The following SYNE2 variants were observed in gnomAD, a reference collection of about 807,000 sequenced individuals.
SYNE2 encodes nesprin-2.
In SYNE2, 431 loss-of-function variants were observed where a neutral mutation model predicts 856.3. The ratio of observed to expected loss-of-function variants is 0.50; its 90% CI spans 0.47 to 0.55. The LOEUF (loss-of-function observed/expected upper bound fraction) is 0.55. Ranked by LOEUF, SYNE2 falls within the 20% of genes least tolerant of loss-of-function variation. SYNE2 has a pLI of 0.00. For missense variants in SYNE2, 8,129 were observed against 8,023.2 expected, an observed-to-expected ratio of 1.01 and a Z score of -0.50; for synonymous variants, 2,923 against 2,872.3, an observed-to-expected ratio of 1.02 and a Z score of -0.56.
intron 6 of SYNE2, among the ~76,000 whole-genome samples, chr14:63,948,778 GTGTGTATATA>G (rs1566884135): frequency 2.6e-5 from 2 of 76,330 alleles, no homozygotes; most frequent in Non-Finnish European, 5.2e-5. Context: ...ATGTATGTGT[GTGTGTATATA>G]TATATATATA....
chr14:64,069,540 C>T (rs1408940217), intron 51 of SYNE2, among the ~76,000 whole-genome samples: 1 of 152,152 alleles, frequency 6.6e-6, no homozygotes, highest in East Asian at 1.9e-4. Context: ...GTGCTTTTTC[C>T]CCAGGCCCCT....
At chr14:64,085,712 G>A (rs1454887230) in intron 57 of SYNE2, among the ~76,000 whole-genome samples, 1 of 152,164 alleles carries the variant, frequency 6.6e-6, no homozygotes, top group Non-Finnish European at 1.5e-5. Flanking sequence ...CCATTTTAGT[G>A]ACTTGCAGTG....
At chr14:64,220,776 T>C (rs1203151758) in intron 111 of SYNE2, 139 bp downstream of exon 111, 1 of 1,065,424 alleles carries the variant, frequency 9.4e-7, no homozygotes, top group African/African-American at 1.6e-5. Flanking sequence ...CTTTACCATT[T>C]GTTTCCACAG....
At chr14:63,888,709 C>T (rs2140885514) in intron 1 of SYNE2, among the ~76,000 whole-genome samples, 1 of 152,248 alleles carries the variant, frequency 6.6e-6, no homozygotes, top group Non-Finnish European at 1.5e-5. Context: ...TAAACAGTAA[C>T]AGAACATTTT....
At position 64,025,354 on chromosome 14, in the gene SYNE2, A is replaced by C. The variant is rs181966989; in HGVS notation, c.6185A>C (p.Glu2062Ala). The change falls in exon 41 of 116, where the codon GAG becomes GCG. Residue 2062 changes from glutamate (E) to alanine (A), a missense_variant. Glu to Ala is a moderately radical substitution (Grantham distance 107). Coordinates refer to ENST00000555002, the MANE Select transcript of SYNE2 (RefSeq NM_182914.3). Reference protein sequence around the residue: ...DVIHWIKEIKESLMVLNSSEG... With the variant: ...DVIHWIKEIKASLMVLNSSEG... ...ATTCATTGGATAAAAGAGATTAAAG[A>C]GTCCCTTATGGTTTTGAATTCATCC... 3 of 1,614,048 alleles carry C rather than the reference A, an allele frequency of 1.9e-6. No individual in the cohort carries two copies. Among genetic ancestry groups the C allele is most frequent in the Non-Finnish European group, 2.5e-6 (3 of 1,179,984 alleles).
chr14:64,051,947 A>G lies in SYNE2; in HGVS notation c.8034A>G (p.Gly2678=). ...CTGACCTCCAGGCTACCAAGCATGGATTTTCTGTTTTAAAGGGGCAAGCTG... is the reference window on the plus strand; with the variant it reads ...CTGACCTCCAGGCTACCAAGCATGGGTTTTCTGTTTTAAAGGGGCAAGCTG... ...LTTDLQATKH[G]FSVLKGQAEL... The change falls in exon 48 of 116, where the codon GGA becomes GGG. Residue 2678 remains glycine (G), a synonymous_variant. Transcript: ENST00000555002. 1 of 1,613,878 alleles carries G rather than the reference A, an allele frequency of 6.2e-7. No individual in the cohort carries two copies.
chr14:63,912,691 C>T (rs2095486855), intron 2 of SYNE2, among the ~76,000 whole-genome samples: 1 of 152,136 alleles, frequency 6.6e-6, no homozygotes, highest in African/African-American at 2.4e-5. Context: ...CACCCTGACT[C>T]AGAATAACAC....
intron 94 of SYNE2, chr14:64,173,951 G>C (rs910387448): frequency 8.6e-6 from 6 of 697,606 alleles, no homozygotes; most frequent in African/African-American, 1.8e-5. Context: ...CAGGACCTTC[G>C]CTACTCTCTG....
intron 45 of SYNE2, chr14:64,034,443 G>A (rs2097069327): frequency 4.4e-6 from 2 of 452,348 alleles, no homozygotes; most frequent in Middle Eastern, 5.5e-4. Context: ...AGAATTTTTA[G>A]AAAGTTTTTA....
chr14:63,794,505 T>C (rs1408238444), intron 1 of SYNE2, among the ~76,000 whole-genome samples: 2 of 152,130 alleles, frequency 1.3e-5, no homozygotes, highest in Non-Finnish European at 2.9e-5. Context: ...ATAGAAACTT[T>C]AAATATCCTA....
chr14:64,185,517 TTC>T (rs1423898393), intron 96 of SYNE2, among the ~76,000 whole-genome samples: 4 of 122,028 alleles, frequency 3.3e-5, no homozygotes, highest in Admixed American at 2.1e-4. Flanking sequence ...CTTTTTCTTT[TTC>T]TTTTTTTTTT....
rs1490202135 is a variant in SYNE2 at position 63,986,592 on chromosome 14, A to T, written c.2288A>T (p.Asp763Val). ...TCTGTTTTGGATCAAGATGATGTGG[A>T]CACCTCAATGGAAGAATCTTTGAAG... ...AKSVLDQDDV[D>V]TSMEESLKHL... The change falls in exon 19 of 116, where the codon GAC (aspartate) becomes GTC (valine). Residue 763 changes from aspartate to valine, a missense_variant. Coordinates refer to ENST00000555002, the MANE Select transcript of SYNE2 (RefSeq NM_182914.3). The T allele has an allele frequency of 5.0e-6, 8 of 1,614,048 alleles. No individual in the cohort carries two copies. The highest frequency in any genetic ancestry group is 6.8e-6 in the Non-Finnish European group (8 of 1,180,028).
intron 1 of SYNE2, among the ~76,000 whole-genome samples, chr14:63,895,941 A>C (rs534880924): frequency 7.4e-4 from 113 of 152,246 alleles, no homozygotes; most frequent in Middle Eastern, 3.4e-3. Flanking sequence ...CTCTTATTCC[A>C]GGGAAAAGTT....
At chr14:63,912,508 G>C (rs1207505254) in intron 2 of SYNE2, among the ~76,000 whole-genome samples, 1 of 152,158 alleles carries the variant, frequency 6.6e-6, no homozygotes, top group South Asian at 2.1e-4. Context: ...ATGAGAAAGA[G>C]ATTTCATGTA....
At chr14:63,951,005 C>T (rs771675805) in intron 7 of SYNE2, among the ~76,000 whole-genome samples, 4 of 148,976 alleles carry the variant, frequency 2.7e-5, no homozygotes, top group African/African-American at 1.0e-4. Flanking sequence ...AGTTAGTGCT[C>T]ATATCTTTTT....
chr14:63,792,657 G>A (rs1049140473), intron 1 of SYNE2, among the ~76,000 whole-genome samples: 4 of 25,730 alleles, frequency 1.6e-4, no homozygotes, highest in Non-Finnish European at 5.0e-4. Context: ...TTATTTATTT[G>A]TTTGTTTGTT....
In SYNE2 at chr14:64,003,110, C is replaced by T. The variant is rs17751301; in HGVS notation, c.4177C>T (p.Arg1393Trp). The T allele has an allele frequency of 0.065, 104,717 of 1,614,050 alleles. 3,992 individuals are homozygous for T. The highest frequency in any genetic ancestry group is 0.11 in the Admixed American group (6,838 of 60,034). The change falls in exon 30 of 116, where the codon CGG (arginine) becomes TGG (tryptophan). Residue 1393 changes from arginine (R) to tryptophan (W), a missense_variant. Around this residue, in one of 3 missense-constraint regions of SYNE2, gnomAD observed 2,422 missense variants for 2,357.4 expected, o/e 1.03. Coordinates refer to ENST00000555002, the MANE Select transcript of SYNE2 (RefSeq NM_182914.3). ...CGATATGAGCTTTAAAGATGCTGAA[C>T]GGGGTGATGACACCTCCTGTGAAAA... ...MLDMSFKDAE[R>W]GDDTSCENLL...
chr14:63,995,867 T>A (rs1352693498), intron 23 of SYNE2, among the ~76,000 whole-genome samples: 4 of 152,154 alleles, frequency 2.6e-5, no homozygotes, highest in African/African-American at 7.2e-5. Context: ...TCCTTTTTAT[T>A]CTATTAATGT....
intron 63 of SYNE2, among the ~76,000 whole-genome samples, chr14:64,101,357 G>T (rs1384298690): frequency 2.6e-5 from 4 of 151,986 alleles, no homozygotes; most frequent in African/African-American, 9.7e-5. Flanking sequence ...GTTTTAATTT[G>T]CATTTCCCTG....
Sources: gnomAD v4.1 joint callset for allele counts (sites outside exome capture counted in the v4.1 genomes callset) on GRCh38, gnomAD v4.1.1 for gene constraint, gnomAD v4.1.1 regional missense constraint, MANE v1.5 for transcripts, NCBI Gene and HGNC (gene_info 2026-07-23, HGNC 2026-07-21) for gene names.